LUC7L2: variants seen among roughly 807,000 people sequenced by gnomAD.
LUC7L2 encodes the protein putative RNA-binding protein Luc7-like 2.
In LUC7L2, 25 loss-of-function variants were observed where a neutral mutation model predicts 52.8. That is an observed-to-expected ratio of 0.47 (90% confidence interval 0.34 to 0.66). LUC7L2 has a LOEUF of 0.66. Among genes scored for constraint, LUC7L2 ranks in the 30% least tolerant of loss-of-function variants. The pLI is 0.01. For synonymous variants in LUC7L2, 144 were observed against 160.9 expected (o/e 0.89, Z 0.80); for missense variants, 328 against 497.8 (o/e 0.66, Z 3.25).
chr7:139,412,787 T>G (rs1481897696), intron 8 of LUC7L2: 1 of 303,448 alleles, frequency 3.3e-6, no homozygotes, highest in Non-Finnish European at 5.8e-6. Flanking sequence ...ATAGCACCAC[T>G]GCACTCCAGC....
At chr7:139,354,449 C>T (rs2131162292) in intron 1 of LUC7L2, among the ~76,000 whole-genome samples, 1 of 152,282 alleles carries the variant, frequency 6.6e-6, no homozygotes, top group Non-Finnish European at 1.5e-5. Flanking sequence ...GCAACCTCCG[C>T]CTTCCGGGTT....
intron 9 of LUC7L2, among the ~76,000 whole-genome samples, chr7:139,418,202 A>G (rs954845689): frequency 2.1e-5 from 3 of 143,392 alleles, no homozygotes; most frequent in Non-Finnish European, 3.0e-5. Flanking sequence ...GTATTGTTAC[A>G]TACCTTCAGC....
intron 6 of LUC7L2, among the ~76,000 whole-genome samples, chr7:139,409,013 G>C (rs1245086533): frequency 6.6e-6 from 1 of 151,710 alleles, no homozygotes; most frequent in Non-Finnish European, 1.5e-5. Context: ...AAATTAGCTG[G>C]GTGTGGTGAT....
At position 139,390,076 on chromosome 7, in the gene LUC7L2, C is replaced by G. The variant is rs1370632382; in HGVS notation, c.157-8523C>G. ...ACTAAAGTGGGAAGATCACTTAAGC[C>G]TAGGAATTCAAGGCCGCAGTGAGCT... On this transcript the variant is annotated intron_variant, in intron 2 of 9. Transcript: ENST00000354926. 3.3e-5 allele frequency among the ~76,000 whole-genome samples: 5 copies of G among 152,050 alleles called. 1 individual carries two copies. The highest frequency in any genetic ancestry group is 2.6e-4 in the Admixed American group (4 of 15,256).
At position 139,408,566 on chromosome 7, in the gene LUC7L2, A is replaced by G. The variant is rs574785910; in HGVS notation, c.688-997A>G. Among the ~76,000 whole-genome samples, 34 of 152,354 alleles carry G rather than the reference A, an allele frequency of 2.2e-4. No individual in the cohort carries two copies. In the South Asian group the frequency reaches 4.6e-3, roughly 20 times the overall value. ...TGTCATTAAGAAATCATGAAAGGCT[A>G]GGCGCAGTGGCTCACGCCTGTAATC... On this transcript the variant is annotated intron_variant, in intron 6 of 9. Transcript: ENST00000354926.
At chr7:139,398,442 C>T (rs1033246030) in intron 2 of LUC7L2, among the ~76,000 whole-genome samples, 157 bp from the exon 3 acceptor site, 2 of 152,084 alleles carry the variant, frequency 1.3e-5, no homozygotes, top group Admixed American at 6.5e-5. Flanking sequence ...TCTGACACCA[C>T]GTTTTATATT....
chr7:139,395,950 A>G (rs1052452974), intron 2 of LUC7L2, among the ~76,000 whole-genome samples: 2 of 152,110 alleles, frequency 1.3e-5, no homozygotes, highest in Non-Finnish European at 2.9e-5. Context: ...GGCCAGAAAC[A>G]TTGTGTGTTT....
chr7:139,358,686 A>T (rs1009944678), upstream of LUC7L2, among the ~76,000 whole-genome samples: 1 of 152,056 alleles, frequency 6.6e-6, no homozygotes, highest in African/African-American at 2.4e-5. Flanking sequence ...CCTATGTCTT[A>T]CTTAAGGAAT....
chr7:139,374,466 C>T, intron 1 of LUC7L2: 1 of 1,550,790 alleles, frequency 6.4e-7, no homozygotes, highest in Non-Finnish European at 8.7e-7. Context: ...CCGCATTCGC[C>T]AAGCCGTGAG....
At chr7:139,417,387 C>T in intron 8 of LUC7L2, 151 bp from the exon 9 acceptor site, 1 of 996,698 alleles carries the variant, frequency 1.0e-6, no homozygotes, top group South Asian at 1.8e-5. Flanking sequence ...TAGTTATTAA[C>T]ACACCAGCAA....
chr7:139,343,111 C>A (rs148624470), intron 1 of LUC7L2, among the ~76,000 whole-genome samples: 1 of 152,104 alleles, frequency 6.6e-6, no homozygotes, highest in Non-Finnish European at 1.5e-5. Context: ...CCCTTTTGTC[C>A]TCATGATTCA....
chr7:139,416,593 G>C (rs957462084), intron 8 of LUC7L2: 1 of 151,720 alleles, frequency 6.6e-6, no homozygotes, highest in African/African-American at 2.4e-5. Context: ...GAATGCAGTG[G>C]TGTGAACACA....
rs1328318633 is a variant in LUC7L2 at position 139,360,071 on chromosome 7, G to C, written c.-191G>C. The C allele has an allele frequency of 1.8e-6, 1 of 547,060 alleles. No homozygotes were observed. Among genetic ancestry groups the C allele is most frequent in the Non-Finnish European group, 3.2e-6 (1 of 309,942 alleles). The allele number at this position is 547,060 out of a possible 1,614,324, so 33.9% of individuals were successfully genotyped here. A position where few individuals can be genotyped will look rare whatever the true frequency, so the allele number is the denominator to read the frequency against. On this transcript the variant is annotated 5_prime_UTR_variant, in exon 1 of 10. Coordinates refer to ENST00000354926, the MANE Select transcript of LUC7L2 (RefSeq NM_016019.5). ...GCTGTCGGGGGCTGTCGTCTTCCAC[G>C]TACACGTCGTCGTGAGGAGCGCAGT...
intron 2 of LUC7L2, among the ~76,000 whole-genome samples, chr7:139,390,339 C>G (rs1794392077): frequency 6.6e-6 from 1 of 151,628 alleles, no homozygotes; most frequent in African/African-American, 2.4e-5. Flanking sequence ...CCACTCACCA[C>G]AACCTCTGCC....
chr7:139,389,588 GC>G (rs745436343), intron 2 of LUC7L2, among the ~76,000 whole-genome samples: 21 of 152,102 alleles, frequency 1.4e-4, no homozygotes, highest in Non-Finnish European at 2.5e-4. Context: ...AATAAAGATA[GC>G]CCTCTTTTGT....
At chr7:139,411,102 A>G (rs1270206597) in intron 7 of LUC7L2, among the ~76,000 whole-genome samples, 3 of 152,208 alleles carry the variant, frequency 2.0e-5, no homozygotes, top group East Asian at 3.8e-4. Flanking sequence ...TTAAGATTCA[A>G]TTGAGGTGAC....
At chr7:139,341,202 G>A in intron 1 of LUC7L2, 1 of 1,080,456 alleles carries the variant, frequency 9.3e-7, no homozygotes, top group Non-Finnish European at 1.2e-6. Flanking sequence ...ATTTTGTTAC[G>A]GCGCCCCTGG....
At chr7:139,352,489 C>G (rs1799487663) in intron 1 of LUC7L2, among the ~76,000 whole-genome samples, 1 of 152,098 alleles carries the variant, frequency 6.6e-6, no homozygotes, top group Non-Finnish European at 1.5e-5. Context: ...GAGCAAGACC[C>G]CATCTCAAAG....
At chr7:139,349,358 A>C (rs1455582825) in intron 1 of LUC7L2, among the ~76,000 whole-genome samples, 2 of 152,204 alleles carry the variant, frequency 1.3e-5, no homozygotes, top group African/African-American at 2.4e-5. Context: ...TAATTTACTC[A>C]GGCCATTTCT....
Sources: gnomAD v4.1 joint callset for allele counts (sites outside exome capture counted in the v4.1 genomes callset) on GRCh38, gnomAD v4.1.1 for gene constraint, MANE v1.5 for transcripts, NCBI Gene and HGNC (gene_info 2026-07-23, HGNC 2026-07-21) for gene names.